OR5AU1: variants seen among roughly 807,000 people sequenced by gnomAD.
The protein encoded by OR5AU1 is olfactory receptor family 5 subfamily AU member 1, also known as olfactory receptor 5AU1.
For synonymous variants in OR5AU1, 169 were observed against 152.0 expected (o/e 1.11, Z -0.82); for missense variants, 415 against 374.2 (o/e 1.11, Z -0.90).
chr14:21,155,883 T>G lies in OR5AU1; in HGVS notation c.-11A>C. 6.2e-7 allele frequency: 1 copy of G among 1,614,132 alleles called. No homozygotes were observed. Among genetic ancestry groups the G allele is most frequent in the Non-Finnish European group, 8.5e-7 (1 of 1,179,984 alleles). Reference sequence around the variant, plus strand: ...GTTTGCCCCTTTCATCCTTCTCCAGTGCTCTGCGATGGAGAAAGAAGGCAC... The same window carrying G: ...GTTTGCCCCTTTCATCCTTCTCCAGGGCTCTGCGATGGAGAAAGAAGGCAC... On this transcript the variant is annotated 5_prime_UTR_variant, in exon 1 of 1. Transcript: ENST00000304418.
rs1204044853 is a variant in OR5AU1, at chr14:21,155,417, T to A, written c.456A>T (p.Gly152=). The A allele has an allele frequency of 1.2e-6, 2 of 1,614,044 alleles. No homozygotes were observed. The highest frequency in any genetic ancestry group is 4.5e-5 in the East Asian group (2 of 44,862). Residue 152 remains glycine (G), a synonymous_variant, in exon 1 of 1, where the codon GGA becomes GGT. Coordinates refer to ENST00000304418, the MANE Select transcript of OR5AU1 (RefSeq NM_001004731.3). ...CAGTGTGGATAAGAGAATTGAGGAATCCTGCACTGTAGGAGCCCACAATCA... is the reference window on the plus strand; with the variant it reads ...CAGTGTGGATAAGAGAATTGAGGAAACCTGCACTGTAGGAGCCCACAATCA... ...ASLIVGSYSA[G]FLNSLIHTGC...
In OR5AU1 at chr14:21,155,453, G is replaced by A. The variant is rs1297048933; in HGVS notation, c.420C>T (p.Val140=). The A allele has an allele frequency of 5.0e-6, 8 of 1,614,158 alleles. No individual in the cohort carries two copies. The highest frequency in any genetic ancestry group is 5.9e-6 in the Non-Finnish European group (7 of 1,180,012). ...AGGAGCCCACAATCAGCGAGGCACA[G>A]ACCTCAGGAGACATGATGGTTGAGT... The part of the protein sequence containing the change: ...LLYSTIMSPE[V]CASLIVGSYS... The change falls in exon 1 of 1, where the codon GTC becomes GTT. Residue 140 remains valine, a synonymous_variant. Transcript: ENST00000304418.
chr14:21,155,776 C>A lies in OR5AU1; in HGVS notation c.97G>T (p.Gly33Cys), dbSNP rs1318949290. The A allele has an allele frequency of 6.2e-7, 1 of 1,614,034 alleles. No individual in the cohort carries two copies. Among genetic ancestry groups the A allele is most frequent in the Admixed American group, 1.7e-5 (1 of 59,988 alleles). ...CCCAGCAGAGTGGCTGTGTACATGC[C>A]CAGGAACACCACGAAGAGCAGCCTC... ...LQRLLFVVFL[G>C]MYTATLLGNL... Residue 33 changes from glycine to cysteine, a missense_variant, in exon 1 of 1, where the codon GGC (glycine) becomes TGC (cysteine). Physicochemically the swap from Gly to Cys is radical, Grantham distance 159. Coordinates refer to ENST00000304418, the MANE Select transcript of OR5AU1 (RefSeq NM_001004731.3).
rs769500445 is a variant in OR5AU1, at chr14:21,155,484, A to G, written c.389T>C (p.Leu130Pro). 1.9e-6 allele frequency: 3 copies of G among 1,614,048 alleles called. No homozygotes were observed. Among genetic ancestry groups the G allele is most frequent in the African/African-American group, 2.7e-5 (2 of 74,920 alleles). ...AGGAGACATGATGGTTGAGTAGAGC[A>G]GGGGGTTACAAATAGCGGCATAGCG... ...YDRYAAICNP[L>P]LYSTIMSPEV... Residue 130 changes from leucine (L) to proline (P), a missense_variant, in exon 1 of 1, where the codon CTG becomes CCG. By Grantham distance (98) the Leu-to-Pro change is moderately conservative. Coordinates refer to ENST00000304418, the MANE Select transcript of OR5AU1 (RefSeq NM_001004731.3).
Position 21,155,904 on chromosome 14 carries a change from G to A in OR5AU1, c.-32C>T, listed in dbSNP as rs778640603. 2 of 1,614,032 alleles carry A rather than the reference G, an allele frequency of 1.2e-6. No homozygotes were observed. The highest frequency in any genetic ancestry group is 2.7e-5 in the African/African-American group (2 of 74,912). Reference sequence around the variant, plus strand: ...CCAGTGCTCTGCGATGGAGAAAGAAGGCACCACCATAAATGAGGTTGAACA... The same window carrying A: ...CCAGTGCTCTGCGATGGAGAAAGAAAGCACCACCATAAATGAGGTTGAACA... On this transcript the variant is annotated 5_prime_UTR_variant, in exon 1 of 1. Coordinates refer to ENST00000304418, the MANE Select transcript of OR5AU1 (RefSeq NM_001004731.3).
In OR5AU1 at chr14:21,155,677, G is replaced by A. The variant is rs4982419; in HGVS notation, c.196C>T (p.Leu66Phe). The change falls in exon 1 of 1, where the codon CTC (leucine) becomes TTC (phenylalanine). Residue 66 changes from leucine (L) to phenylalanine (F), a missense_variant. Physicochemically the swap from Leu to Phe is conservative, Grantham distance 22. Transcript: ENST00000304418. Reference sequence around the variant, plus strand: ...GAGTAGCAGAAATCCAAGAAGGAGAGGCTCTTCAGGAGGGAGTACATGGGT... The same window carrying A: ...GAGTAGCAGAAATCCAAGAAGGAGAAGCTCTTCAGGAGGGAGTACATGGGT... The part of the protein sequence containing the change: ...HTPMYSLLKS[L>F]SFLDFCYSST... 1,210,846 of 1,613,630 alleles carry A rather than the reference G, an allele frequency of 0.75. 457,960 individuals are homozygous for A. Among genetic ancestry groups the A allele is most frequent in the Non-Finnish European group, 0.78 (915,281 of 1,179,822 alleles).
At position 21,155,792 on chromosome 14, in the gene OR5AU1, G is replaced by A. The variant is rs1890569069; in HGVS notation, c.81C>T (p.Leu27=). ...LTTDPQLQRL[L]FVVFLGMYTA... is the part of the protein sequence containing the mutation. ...TGTACATGCCCAGGAACACCACGAA[G>A]AGCAGCCTCTGGAGCTGGGGGTCAG... The change falls in exon 1 of 1, where the codon CTC becomes CTT. Residue 27 remains leucine, a synonymous_variant. Transcript: ENST00000304418. 6.2e-7 allele frequency: 1 copy of A among 1,614,172 alleles called. No individual in the cohort carries two copies. Among genetic ancestry groups the A allele is most frequent in the Non-Finnish European group, 8.5e-7 (1 of 1,180,026 alleles).
chr14:21,155,160 A>T lies in OR5AU1; in HGVS notation c.713T>A (p.Phe238Tyr), dbSNP rs1474718563. 1 of 1,614,026 alleles carries T rather than the reference A, an allele frequency of 6.2e-7. No homozygotes were observed. The highest frequency in any genetic ancestry group is 1.7e-5 in the Admixed American group (1 of 60,004). Residue 238 changes from phenylalanine (F) to tyrosine (Y), a missense_variant, in exon 1 of 1, where the codon TTT (phenylalanine) becomes TAT (tyrosine). Phe to Tyr is a conservative substitution (Grantham distance 22). Coordinates refer to ENST00000304418, the MANE Select transcript of OR5AU1 (RefSeq NM_001004731.3). The stretch of plus-strand genomic sequence containing the variant: ...AGTGAGGTGGGATGCACAGGTGGAA[A>T]ATGCCTTAAACCTGCCCTGGGCCGA... ...MSSAQGRFKA[F>Y]STCASHLTAI...
Position 21,155,426 on chromosome 14 carries a change from G to A in OR5AU1, c.447C>T (p.Tyr149=). The A allele has an allele frequency of 6.2e-7, 1 of 1,614,124 alleles. No homozygotes were observed. Among genetic ancestry groups the A allele is most frequent in the African/African-American group, 1.3e-5 (1 of 75,058 alleles). ...EVCASLIVGS[Y]SAGFLNSLIH... is the part of the protein sequence containing the mutation. The stretch of plus-strand genomic sequence containing the variant: ...TAAGAGAATTGAGGAATCCTGCACT[G>A]TAGGAGCCCACAATCAGCGAGGCAC... Residue 149 remains tyrosine (Y), a synonymous_variant, in exon 1 of 1, where the codon TAC becomes TAT. Coordinates refer to ENST00000304418, the MANE Select transcript of OR5AU1 (RefSeq NM_001004731.3).
rs1251867861 is a variant in OR5AU1 at position 21,155,115 on chromosome 14, C to T, written c.758G>A (p.Gly253Asp). 6.2e-7 allele frequency: 1 copy of T among 1,614,022 alleles called. No homozygotes were observed. The highest frequency in any genetic ancestry group is 1.1e-5 in the South Asian group (1 of 91,072). Residue 253 changes from glycine (G) to aspartate (D), a missense_variant, in exon 1 of 1, where the codon GGC becomes GAC. Coordinates refer to ENST00000304418, the MANE Select transcript of OR5AU1 (RefSeq NM_001004731.3). The part of the protein sequence containing the change: ...SHLTAICLFF[G>D]TTLFMYLRPR... ...GCGCAGGTACATAAAAAGTGTTGTG[C>T]CAAAGAAGAGGCAGATGGCAGTGAG... is the stretch of plus-strand genomic sequence containing the variant.
rs146017799 is a variant in OR5AU1 at position 21,155,559 on chromosome 14, G to T, written c.314C>A (p.Ala105Glu). ...FGCMTQMFFYAGFATSECYLI... is the reference protein window; with the variant it reads ...FGCMTQMFFYEGFATSECYLI... ...ATAGCACTCACTGGTGGCAAAACCC[G>T]CATAGAAGAACATCTGAGTCATGCA... is the stretch of plus-strand genomic sequence containing the variant. The change falls in exon 1 of 1, where the codon GCG (alanine) becomes GAG (glutamate). Residue 105 changes from alanine (A) to glutamate (E), a missense_variant. Transcript: ENST00000304418. The T allele has an allele frequency of 9.9e-6, 16 of 1,614,036 alleles. No individual in the cohort carries two copies. Among genetic ancestry groups the T allele is most frequent in the South Asian group, 3.3e-5 (3 of 91,082 alleles).
In OR5AU1 at chr14:21,155,013, G is replaced by C. The variant is rs1202120655; in HGVS notation, c.860C>G (p.Pro287Arg). 1 of 1,613,948 alleles carries C rather than the reference G, an allele frequency of 6.2e-7. No homozygotes were observed. The highest frequency in any genetic ancestry group is 8.5e-7 in the Non-Finnish European group (1 of 1,179,980). The change falls in exon 1 of 1, where the codon CCC (proline) becomes CGC (arginine). Residue 287 changes from proline (P) to arginine (R), a missense_variant. Pro to Arg is a moderately radical substitution (Grantham distance 103). Transcript: ENST00000304418. Reference protein sequence around the residue: ...IYTVVIPVLNPLMYSLRNKDV... With the variant: ...IYTVVIPVLNRLMYSLRNKDV... Reference sequence around the variant, plus strand: ...CTTGTTTCTCAAAGAGTACATGAGGGGGTTCAGCACTGGGATCACCACTGT... The same window carrying C: ...CTTGTTTCTCAAAGAGTACATGAGGCGGTTCAGCACTGGGATCACCACTGT...
Position 21,155,983 on chromosome 14 carries a change from G to C in OR5AU1, c.-111C>G. On this transcript the variant is annotated 5_prime_UTR_variant, in exon 1 of 1. Transcript: ENST00000304418. ...CCTAAGGACAGCCTTCTGAAGATGA[G>C]TCTTATTGAGGGCATTTGGCTTTGC... The C allele has an allele frequency of 1.2e-6, 2 of 1,614,086 alleles. No individual in the cohort carries two copies.
Position 21,155,978 on chromosome 14 carries a change from G to A in OR5AU1, c.-106C>T, listed in dbSNP as rs1049031968. Reference sequence around the variant, plus strand: ...TTCTGCCTAAGGACAGCCTTCTGAAGATGAGTCTTATTGAGGGCATTTGGC... The same window carrying A: ...TTCTGCCTAAGGACAGCCTTCTGAAAATGAGTCTTATTGAGGGCATTTGGC... On this transcript the variant is annotated 5_prime_UTR_variant, in exon 1 of 1. Coordinates refer to ENST00000304418, the MANE Select transcript of OR5AU1 (RefSeq NM_001004731.3). The A allele has an allele frequency of 1.9e-6, 3 of 1,614,024 alleles. No homozygotes were observed. Among genetic ancestry groups the A allele is most frequent in the African/African-American group, 1.3e-5 (1 of 74,936 alleles).
chr14:21,155,099 C>T lies in OR5AU1; in HGVS notation c.774G>A (p.Met258Ile). Residue 258 changes from methionine (M) to isoleucine (I), a missense_variant, in exon 1 of 1, where the codon ATG (methionine) becomes ATA (isoleucine). Coordinates refer to ENST00000304418, the MANE Select transcript of OR5AU1 (RefSeq NM_001004731.3). ...ICLFFGTTLF[M>I]YLRPRSSYSL... ...AGTAGCTGGACCTGGGGCGCAGGTA[C>T]ATAAAAAGTGTTGTGCCAAAGAAGA... 6.2e-7 allele frequency: 1 copy of T among 1,614,050 alleles called. No homozygotes were observed. Among genetic ancestry groups the T allele is most frequent in the African/African-American group, 1.3e-5 (1 of 74,984 alleles).
chr14:21,155,785 C>A lies in OR5AU1; in HGVS notation c.88G>T (p.Val30Leu), dbSNP rs1890568794. ...GTGGCTGTGTACATGCCCAGGAACA[C>A]CACGAAGAGCAGCCTCTGGAGCTGG... is the stretch of plus-strand genomic sequence containing the variant. Reference protein sequence around the residue: ...DPQLQRLLFVVFLGMYTATLL... With the variant: ...DPQLQRLLFVLFLGMYTATLL... The change falls in exon 1 of 1, where the codon GTG (valine) becomes TTG (leucine). Residue 30 changes from valine to leucine, a missense_variant. By Grantham distance (32) the Val-to-Leu change is conservative (BLOSUM62 1). Transcript: ENST00000304418. The A allele has an allele frequency of 1.1e-5, 18 of 1,613,982 alleles. No individual in the cohort carries two copies. Among genetic ancestry groups the A allele is most frequent in the African/African-American group, 2.7e-5 (2 of 74,900 alleles).
At position 21,155,594 on chromosome 14, in the gene OR5AU1, A is replaced by G; in HGVS notation, c.279T>C (p.Ser93=). 6.2e-7 allele frequency: 1 copy of G among 1,614,166 alleles called. No homozygotes were observed. The highest frequency in any genetic ancestry group is 1.1e-5 in the South Asian group (1 of 91,084). Residue 93 remains serine, a synonymous_variant, in exon 1 of 1, where the codon TCT becomes TCC. Transcript: ENST00000304418. Reference sequence around the variant, plus strand: ...ACATCTGAGTCATGCAGCCAAAATAAGAGATCACTTTCCTCTTGGCCAAGA... The same window carrying G: ...ACATCTGAGTCATGCAGCCAAAATAGGAGATCACTTTCCTCTTGGCCAAGA... ...VNFLAKRKVI[S]YFGCMTQMFF...
In OR5AU1 at chr14:21,156,034, T is replaced by A. The variant is rs1429259608; in HGVS notation, c.-162A>T. Reference sequence around the variant, plus strand: ...AGATGAAACTCTGTCATAGAGAGGATCTTTTCTCCTTGGTTGGTTGGTTAG... The same window carrying A: ...AGATGAAACTCTGTCATAGAGAGGAACTTTTCTCCTTGGTTGGTTGGTTAG... On this transcript the variant is annotated 5_prime_UTR_variant, in exon 1 of 1. Transcript: ENST00000304418. 5.6e-6 allele frequency: 9 copies of A among 1,605,400 alleles called. No homozygotes were observed. The highest frequency in any genetic ancestry group is 7.7e-6 in the Non-Finnish European group (9 of 1,174,252).
At position 21,154,879 on chromosome 14, in the gene OR5AU1, C is replaced by A; in HGVS notation, c.*58G>T. 3.9e-6 allele frequency: 6 copies of A among 1,529,832 alleles called. No homozygotes were observed. Among genetic ancestry groups the A allele is most frequent in the Admixed American group, 1.8e-5 (1 of 55,352 alleles). 94.8% of individuals were successfully genotyped at this position (1,529,832 alleles called of 1,614,324 possible). On this transcript the variant is annotated 3_prime_UTR_variant, in exon 1 of 1. Coordinates refer to ENST00000304418, the MANE Select transcript of OR5AU1 (RefSeq NM_001004731.3). ...GCATGGGAATGTGCTCAGGGTGACACCACCTAAGGTAAAAGTTCCCTTGAC... is the reference window on the plus strand; with the variant it reads ...GCATGGGAATGTGCTCAGGGTGACAACACCTAAGGTAAAAGTTCCCTTGAC...
Sources: allele counts gnomAD v4.1 joint callset, GRCh38; gene constraint gnomAD v4.1.1; transcripts MANE v1.5; gene names NCBI Gene and HGNC (gene_info 2026-07-23, HGNC 2026-07-21).